MLLT10: variants seen among roughly 807,000 people sequenced by gnomAD.
MLLT10 encodes MLLT10 histone lysine methyltransferase DOT1L cofactor.
Under a neutral mutation model 129.1 loss-of-function variants are expected in MLLT10, and 30 were observed. The observed-to-expected ratio is 0.23, with a 90% CI of 0.17 to 0.32. MLLT10 has a LOEUF of 0.32. MLLT10 is among the 10% of genes least tolerant of loss of function. The probability of loss-of-function intolerance (pLI) is 1.00; values close to 1 mark genes in which losing one functional copy is unlikely to be tolerated. For missense variants in MLLT10, 1,119 were observed against 1,268.3 expected (o/e 0.88, Z 1.79); for synonymous variants, 490 against 446.4 (o/e 1.10, Z -1.23).
chr10:21,640,188 AT>A (rs1314057463), intron 8 of MLLT10, among the ~76,000 whole-genome samples: 40 of 144,912 alleles, frequency 2.8e-4, no homozygotes, highest in African/African-American at 8.3e-4. Context: ...ATCAAATATT[AT>A]TATATAATAT....
chr10:21,577,505 C>T (rs2040898381), intron 3 of MLLT10, among the ~76,000 whole-genome samples: 1 of 150,450 alleles, frequency 6.6e-6, no homozygotes, highest in Non-Finnish European at 1.5e-5. Context: ...CCTCTGTTGC[C>T]CAGGCTGGAG....
chr10:21,539,260 G>A (rs2034642173), intron 3 of MLLT10, among the ~76,000 whole-genome samples: 1 of 152,106 alleles, frequency 6.6e-6, no homozygotes, highest in Non-Finnish European at 1.5e-5. Flanking sequence ...AAGTTACATT[G>A]ATAATTCTCT....
chr10:21,625,264 C>T, intron 8 of MLLT10: 1 of 1,085,346 alleles, frequency 9.2e-7, no homozygotes, highest in Non-Finnish European at 1.4e-6. Flanking sequence ...CAAGTTCTTC[C>T]CCTTCTGTTT....
At chr10:21,575,504 C>A (rs2040639784) in intron 3 of MLLT10, among the ~76,000 whole-genome samples, 1 of 152,032 alleles carries the variant, frequency 6.6e-6, no homozygotes, top group Non-Finnish European at 1.5e-5. Context: ...GCTGCTAGGT[C>A]ATTAATTTTA....
chr10:21,724,635 A>T (rs2057353953), intron 14 of MLLT10, among the ~76,000 whole-genome samples: 1 of 152,250 alleles, frequency 6.6e-6, no homozygotes, highest in South Asian at 2.1e-4. Context: ...TGGTTCTGTT[A>T]AATCTGAGAA....
chr10:21,598,479 G>T (rs1380135651), intron 5 of MLLT10, among the ~76,000 whole-genome samples: 2 of 152,142 alleles, frequency 1.3e-5, no homozygotes, highest in Admixed American at 1.3e-4. Flanking sequence ...CTAGGTGTGG[G>T]TTATTGCTAC....
At chr10:21,599,054 C>T (rs907676117) in intron 5 of MLLT10, among the ~76,000 whole-genome samples, 6 of 152,002 alleles carry the variant, frequency 3.9e-5, no homozygotes, top group Non-Finnish European at 4.4e-5. Flanking sequence ...TAGCAGGCGC[C>T]TGTAATCCCA....
At chr10:21,736,816 C>T (rs2058405695) in intron 21 of MLLT10, among the ~76,000 whole-genome samples, 1 of 152,068 alleles carries the variant, frequency 6.6e-6, no homozygotes, top group East Asian at 1.9e-4. Flanking sequence ...GGCAGAGATG[C>T]AGTTAGTTAG....
At chr10:21,718,308 A>G (rs1335174036) in intron 14 of MLLT10, among the ~76,000 whole-genome samples, 1 of 152,050 alleles carries the variant, frequency 6.6e-6, no homozygotes, top group East Asian at 1.9e-4. Context: ...GGAAGAGCGG[A>G]CTCCTGTCCA....
At chr10:21,583,962 T>C (rs2041726110) in intron 3 of MLLT10, among the ~76,000 whole-genome samples, 1 of 150,706 alleles carries the variant, frequency 6.6e-6, no homozygotes, top group East Asian at 2.0e-4. Context: ...CTCCGCCTCC[T>C]GGGTTCACGC....
chr10:21,604,862 AT>A (rs1159620099), intron 5 of MLLT10, among the ~76,000 whole-genome samples: 1,513 of 139,980 alleles, frequency 0.011, 14 homozygotes, highest in African/African-American at 0.033. Flanking sequence ...CAGCCTGCCC[AT>A]TTTTTTTTTT....
At chr10:21,656,001 G>T (rs1194615454) in intron 9 of MLLT10, among the ~76,000 whole-genome samples, 1 of 152,048 alleles carries the variant, frequency 6.6e-6, no homozygotes, top group African/African-American at 2.4e-5. Context: ...GATGGACCAG[G>T]AGTCTTTTGA....
At chr10:21,724,849 G>A (rs1387150170) in intron 14 of MLLT10, among the ~76,000 whole-genome samples, 1 of 152,154 alleles carries the variant, frequency 6.6e-6, no homozygotes. Context: ...GTTCATTTTC[G>A]CTTGTTTGGC....
intron 8 of MLLT10, among the ~76,000 whole-genome samples, chr10:21,651,467 C>T (rs1209826418): frequency 2.6e-5 from 4 of 152,058 alleles, no homozygotes; most frequent in Admixed American, 2.0e-4. Flanking sequence ...TTATTTTAGG[C>T]TTATCAAGAA....
intron 13 of MLLT10, among the ~76,000 whole-genome samples, chr10:21,695,532 T>A (rs1016365445): frequency 6.6e-6 from 1 of 152,200 alleles, no homozygotes. Flanking sequence ...TTTCTCACAT[T>A]TAAAAAATGC....
intron 13 of MLLT10, chr10:21,688,606 A>G: frequency 4.4e-6 from 6 of 1,364,992 alleles, no homozygotes; most frequent in Middle Eastern, 2.2e-4. Context: ...TAGCTTGGAA[A>G]CCTTCCCATA....
Position 21,704,413 on chromosome 10 carries a change from ATAAT to A in MLLT10, c.1700-9353_1700-9350del, listed in dbSNP as rs1211007053. On this transcript the variant is annotated intron_variant, in intron 13 of 22. Transcript: ENST00000307729. ...TTACTGAATTACAGAATAAAAATAAATAATTAATTTATTATTCATATTATTCATG... is the reference window on the plus strand; with the variant it reads ...TTACTGAATTACAGAATAAAAATAAATAATTTATTATTCATATTATTCATG... 7.8e-4 allele frequency among the ~76,000 whole-genome samples: 116 copies of A among 149,214 alleles called. 1 individual carries two copies. The highest frequency in any genetic ancestry group is 2.7e-3 in the African/African-American group (110 of 40,866).
rs139722873 is a variant in MLLT10, at chr10:21,691,914, C to T, written c.1699+9657C>T. 1.5e-3 allele frequency among the ~76,000 whole-genome samples: 226 copies of T among 148,534 alleles called. 7 individuals carry two copies. In the East Asian group the frequency reaches 0.041, roughly 27 times the overall value. ...GCACGGTGGCTCACGCCTATAATCC[C>T]AGCACTTTGGGAGGCTGAGGCAGGC... is the stretch of plus-strand genomic sequence containing the variant. On this transcript the variant is annotated intron_variant, in intron 13 of 22. Transcript: ENST00000307729.
At chr10:21,615,054 A>G (rs1022421929) in intron 7 of MLLT10, 130 bp downstream of exon 7, 8 of 661,378 alleles carry the variant, frequency 1.2e-5, no homozygotes, top group East Asian at 2.8e-5. Context: ...TGTGTTTAGC[A>G]TGTTCTTTAT....
Sources: gnomAD v4.1 joint callset for allele counts (sites outside exome capture counted in the v4.1 genomes callset) on GRCh38, gnomAD v4.1.1 for gene constraint, MANE v1.5 for transcripts, NCBI Gene and HGNC (gene_info 2026-07-23, HGNC 2026-07-21) for gene names.